SULT6B1: variants seen among roughly 807,000 people sequenced by gnomAD.
The protein encoded by SULT6B1 is sulfotransferase family 6B member 1.
Under a neutral mutation model 37.2 loss-of-function variants are expected in SULT6B1, and 44 were observed. The observed-to-expected ratio is 1.18, with a 90% CI of 0.93 to 1.52. The LOEUF (loss-of-function observed/expected upper bound fraction) is 1.52. Among genes scored for constraint, SULT6B1 ranks in the 40% most tolerant of loss-of-function variants. The pLI is 0.00. For missense variants in SULT6B1, 450 were observed against 361.0 expected (o/e 1.25, Z -2.00); for synonymous variants, 140 against 126.0 (o/e 1.11, Z -0.74).
intron 5 of SULT6B1, among the ~76,000 whole-genome samples, chr2:37,173,810 T>A (rs1676356312): frequency 6.6e-6 from 1 of 152,222 alleles, no homozygotes. Context: ...CATCTTCCTT[T>A]GCCTGGACTA....
intron 6 of SULT6B1, among the ~76,000 whole-genome samples, chr2:37,170,356 ACTC>A (rs1676265790): frequency 6.6e-6 from 1 of 152,078 alleles, no homozygotes; most frequent in Non-Finnish European, 1.5e-5. Context: ...AATCCCAGCT[ACTC>A]AGGAGGCTGA....
In SULT6B1 at chr2:37,183,410, G is replaced by C. The variant is rs1409799486; in HGVS notation, c.402+15C>G. Reference sequence around the variant, plus strand: ...TAGAAATTTCAAAGAATTATCAGTAGGAAAGGACACTCACCTTGGCTTTAT... The same window carrying C: ...TAGAAATTTCAAAGAATTATCAGTACGAAAGGACACTCACCTTGGCTTTAT... On this transcript the variant is annotated intron_variant, in intron 3 of 6. Coordinates refer to ENST00000535679, the MANE Select transcript of SULT6B1 (RefSeq NM_001367551.1). 3 of 1,603,158 alleles carry C rather than the reference G, an allele frequency of 1.9e-6. No homozygotes were observed. The highest frequency in any genetic ancestry group is 2.6e-6 in the Non-Finnish European group (3 of 1,170,860).
intron 5 of SULT6B1, among the ~76,000 whole-genome samples, chr2:37,174,082 C>G (rs1450930880): frequency 5.3e-5 from 8 of 152,090 alleles, no homozygotes; most frequent in Non-Finnish European, 1.2e-4. Flanking sequence ...TTAATCTCAC[C>G]AGGACTATCC....
At chr2:37,185,256 A>T (rs1199514318) in intron 2 of SULT6B1, among the ~76,000 whole-genome samples, 1 of 152,232 alleles carries the variant, frequency 6.6e-6, no homozygotes, top group Non-Finnish European at 1.5e-5. Flanking sequence ...ACTAAATTAG[A>T]TAGCTACATA....
chr2:37,180,806 C>G (rs575356104), intron 3 of SULT6B1, among the ~76,000 whole-genome samples: 3 of 152,122 alleles, frequency 2.0e-5, no homozygotes, highest in Non-Finnish European at 4.4e-5. Flanking sequence ...ATTGGTTGAA[C>G]CTAGGAGACG....
At chr2:37,193,626 A>AGAAGAC (rs1475554474), upstream of SULT6B1, among the ~76,000 whole-genome samples, 1 of 151,016 alleles carries the variant, frequency 6.6e-6, no homozygotes, top group African/African-American at 2.4e-5. Flanking sequence ...AAGAAGAAGA[A>AGAAGAC]GAAGAAGAAG....
chr2:37,185,866 T>C (rs1342387704), intron 2 of SULT6B1, among the ~76,000 whole-genome samples: 1 of 152,178 alleles, frequency 6.6e-6, no homozygotes, highest in African/African-American at 2.4e-5. Flanking sequence ...TTCCTTTATT[T>C]CCTACCTAGG....
intron 2 of SULT6B1, among the ~76,000 whole-genome samples, chr2:37,186,671 C>T (rs1297658067): frequency 6.6e-6 from 1 of 152,056 alleles, no homozygotes; most frequent in African/African-American, 2.4e-5. Flanking sequence ...GTGGGAGGAT[C>T]ACTTGAGCCC....
At chr2:37,173,860 GC>G (rs994893584) in intron 5 of SULT6B1, among the ~76,000 whole-genome samples, 13 of 152,106 alleles carry the variant, frequency 8.5e-5, no homozygotes, top group African/African-American at 2.9e-4. Flanking sequence ...CATTTGCTTT[GC>G]CCCAGTTCAT....
chr2:37,179,700 T>A, intron 3 of SULT6B1, 116 bp from the exon 4 acceptor site: 1 of 914,782 alleles, frequency 1.1e-6, no homozygotes, highest in Non-Finnish European at 1.6e-6. Context: ...TGTTAATATA[T>A]AGAGAAAGAA....
chr2:37,176,975 G>A (rs908730207), intron 4 of SULT6B1, among the ~76,000 whole-genome samples: 3 of 152,122 alleles, frequency 2.0e-5, no homozygotes, highest in African/African-American at 7.2e-5. Flanking sequence ...ATTTCAGGGT[G>A]TATTGCAAAA....
intron 1 of SULT6B1, among the ~76,000 whole-genome samples, chr2:37,195,461 C>T (rs905165434): frequency 6.6e-6 from 1 of 152,150 alleles, no homozygotes; most frequent in African/African-American, 2.4e-5. Flanking sequence ...AAAATTGGGG[C>T]AATCACAGAG....
intron 1 of SULT6B1, among the ~76,000 whole-genome samples, 176 bp downstream of exon 1, chr2:37,188,266 G>A (rs1441463093): frequency 1.3e-5 from 2 of 151,964 alleles, no homozygotes; most frequent in African/African-American, 4.8e-5. Context: ...TTTTAATCTA[G>A]CAGTTCTATT....
At chr2:37,178,483 G>A (rs975288831) in intron 4 of SULT6B1, among the ~76,000 whole-genome samples, 3 of 152,052 alleles carry the variant, frequency 2.0e-5, no homozygotes, top group Non-Finnish European at 4.4e-5. Context: ...TCATCCGCCC[G>A]CCTCGGCCTC....
chr2:37,177,676 A>C (rs1283305641), intron 4 of SULT6B1, among the ~76,000 whole-genome samples: 1 of 152,164 alleles, frequency 6.6e-6, no homozygotes, highest in Non-Finnish European at 1.5e-5. Context: ...TAATGATTTT[A>C]TACCATATAA....
intron 1 of SULT6B1, among the ~76,000 whole-genome samples, chr2:37,194,223 G>T (rs1203564058): frequency 6.6e-6 from 1 of 151,802 alleles, no homozygotes; most frequent in Non-Finnish European, 1.5e-5. Flanking sequence ...ACCTAGGGTG[G>T]AGTGCAGTGA....
At chr2:37,195,487 C>G (rs1676894448) in intron 1 of SULT6B1, among the ~76,000 whole-genome samples, 1 of 152,198 alleles carries the variant, frequency 6.6e-6, no homozygotes, top group Non-Finnish European at 1.5e-5. Flanking sequence ...TGCAGAGGCA[C>G]TTCCTTTACT....
At chr2:37,181,847 A>G (rs1359329835) in intron 3 of SULT6B1, among the ~76,000 whole-genome samples, 1 of 152,216 alleles carries the variant, frequency 6.6e-6, no homozygotes, top group Non-Finnish European at 1.5e-5. Flanking sequence ...TACGTGTTAA[A>G]ATGGTATTTC....
intron 3 of SULT6B1, 82 bp from the exon 4 acceptor site, chr2:37,179,666 G>A (rs534870143): frequency 4.2e-6 from 5 of 1,194,756 alleles, no homozygotes; most frequent in Non-Finnish European, 6.0e-6. Context: ...ATATCATCAT[G>A]TCCACTCGTA....
Sources: gnomAD v4.1 joint callset for allele counts (sites outside exome capture counted in the v4.1 genomes callset) on GRCh38, gnomAD v4.1.1 for gene constraint, MANE v1.5 for transcripts, NCBI Gene and HGNC (gene_info 2026-07-23, HGNC 2026-07-21) for gene names.